The following SYN3 variants were observed in gnomAD, a reference collection of about 807,000 sequenced individuals.
The protein encoded by SYN3 is synapsin III.
A neutral mutation model predicts 65.8 loss-of-function variants in SYN3; 35 were observed. That is an observed-to-expected ratio of 0.53 (90% confidence interval 0.41 to 0.70). The LOEUF (loss-of-function observed/expected upper bound fraction) is 0.70. SYN3 is among the 30% of genes least tolerant of loss of function. SYN3 has a pLI of 0.00. For synonymous variants in SYN3, 270 were observed against 292.9 expected (o/e 0.92, Z 0.80); for missense variants, 680 against 749.0 (o/e 0.91, Z 1.08).
chr22:32,937,093 A>G (rs2050794794), intron 3 of SYN3, among the ~76,000 whole-genome samples: 1 of 152,212 alleles, frequency 6.6e-6, no homozygotes, highest in Non-Finnish European at 1.5e-5. Flanking sequence ...ACAAATTACG[A>G]GGAATGCAAA....
intron 6 of SYN3, among the ~76,000 whole-genome samples, chr22:32,645,656 G>A (rs1211199989): frequency 6.6e-6 from 1 of 152,176 alleles, no homozygotes; most frequent in Non-Finnish European, 1.5e-5. Flanking sequence ...TTCTCCATTT[G>A]AGCCAGTGGG....
At chr22:32,708,979 G>A (rs1051903347) in intron 6 of SYN3, among the ~76,000 whole-genome samples, 2 of 151,962 alleles carry the variant, frequency 1.3e-5, no homozygotes, top group East Asian at 1.9e-4. Flanking sequence ...AGAATCACTC[G>A]AGCCCTGCGG....
intron 6 of SYN3, among the ~76,000 whole-genome samples, chr22:32,702,321 C>CA (rs1175073524): frequency 6.6e-6 from 1 of 151,908 alleles, no homozygotes; most frequent in African/African-American, 2.4e-5. Flanking sequence ...ACTAAAAATA[C>CA]AAAAAAATTA....
rs5749487 is a variant in SYN3, at chr22:32,682,100, G to C, written c.712-85364C>G. On this transcript the variant is annotated intron_variant, in intron 6 of 13. Coordinates refer to ENST00000358763, the MANE Select transcript of SYN3 (RefSeq NM_003490.4). ...CAGGGGTTGCAGAGGGTGGAGAGGA[G>C]TGGTTCTCAACCAGGGGCCATTCTG... Among the ~76,000 whole-genome samples the C allele has an allele frequency of 3.1e-4, 32 of 104,482 alleles. 1 individual carries two copies. The East Asian group carries it at 5.5e-3, about 18-fold the overall frequency. 68.5% of individuals were successfully genotyped at this position (104,482 alleles called of 152,430 possible). A position where few individuals can be genotyped will look rare whatever the true frequency, so the allele number is the denominator to read the frequency against.
chr22:32,647,926 A>G (rs1434233856), intron 6 of SYN3, among the ~76,000 whole-genome samples: 1 of 151,936 alleles, frequency 6.6e-6, no homozygotes, highest in East Asian at 1.9e-4. Flanking sequence ...TTTGGTAGAG[A>G]TGGAGTCTCA....
chr22:33,047,193 G>A (rs1034397023), intron 1 of SYN3, among the ~76,000 whole-genome samples: 1 of 151,926 alleles, frequency 6.6e-6, no homozygotes, highest in Admixed American at 6.6e-5. Flanking sequence ...TATTTGTTTT[G>A]TGGTTATTTT....
chr22:32,695,532 T>C (rs2060723914), intron 6 of SYN3, among the ~76,000 whole-genome samples: 1 of 152,194 alleles, frequency 6.6e-6, no homozygotes, highest in Admixed American at 6.5e-5. Context: ...CCCCAGGTTT[T>C]GAAGCATTCC....
intron 1 of SYN3, among the ~76,000 whole-genome samples, chr22:33,015,870 A>G (rs896377646): frequency 1.4e-5 from 2 of 140,270 alleles, no homozygotes; most frequent in Non-Finnish European, 3.0e-5. Context: ...TAAGACAGTT[A>G]CACTCTTGTT....
At chr22:32,535,311 A>G (rs2058145535) in intron 9 of SYN3, among the ~76,000 whole-genome samples, 1 of 152,204 alleles carries the variant, frequency 6.6e-6, no homozygotes, top group Non-Finnish European at 1.5e-5. Flanking sequence ...CTCTTATCAT[A>G]AAATGGGAAA....
intron 3 of SYN3, among the ~76,000 whole-genome samples, chr22:32,952,293 TGG>T (rs1208206533): frequency 4.2e-5 from 6 of 143,484 alleles, no homozygotes; most frequent in Admixed American, 6.9e-5. Context: ...AATGTGTGTG[TGG>T]GGGGGTGTGT....
Position 32,864,399 on chromosome 22 carries a change from C to G in SYN3, c.711+516G>C, listed in dbSNP as rs56048132. On this transcript the variant is annotated intron_variant, in intron 6 of 13. Transcript: ENST00000358763. ...GGTATCCTCCAAATGGGAGGCTGTACCACATATCCTGAGCTAAGCCCTGCT... is the reference window on the plus strand; with the variant it reads ...GGTATCCTCCAAATGGGAGGCTGTAGCACATATCCTGAGCTAAGCCCTGCT... 5.1e-3 allele frequency among the ~76,000 whole-genome samples: 783 copies of G among 152,252 alleles called. 5 individuals carry two copies. Among genetic ancestry groups the G allele is most frequent in the Middle Eastern group, 0.017 (5 of 294 alleles).
At chr22:32,586,647 G>A (rs1342909281) in intron 7 of SYN3, among the ~76,000 whole-genome samples, 2 of 152,138 alleles carry the variant, frequency 1.3e-5, no homozygotes, top group Non-Finnish European at 2.9e-5. Flanking sequence ...AGGAGACAGA[G>A]TGTTATCTTA....
intron 6 of SYN3, among the ~76,000 whole-genome samples, chr22:32,635,692 T>C (rs2059805682): frequency 6.6e-6 from 1 of 152,210 alleles, no homozygotes; most frequent in African/African-American, 2.4e-5. Context: ...AGAGCCATGT[T>C]ATACAGAAAA....
chr22:32,778,437 C>T (rs5754278), intron 6 of SYN3, among the ~76,000 whole-genome samples: 106,914 of 151,768 alleles, frequency 0.7, 38,174 homozygotes, highest in African/African-American at 0.82. Context: ...CACAGGCACA[C>T]GCCACCATGT....
At chr22:32,942,134 A>C (rs1327334764) in intron 3 of SYN3, among the ~76,000 whole-genome samples, 1 of 152,226 alleles carries the variant, frequency 6.6e-6, no homozygotes, top group Non-Finnish European at 1.5e-5. Context: ...ATCTGAGAAC[A>C]GACAGACTGC....
intron 3 of SYN3, among the ~76,000 whole-genome samples, chr22:32,966,428 C>T (rs2051847109): frequency 6.6e-6 from 1 of 152,094 alleles, no homozygotes; most frequent in Non-Finnish European, 1.5e-5. Context: ...TAAGGTAGAG[C>T]ACGGGAGGAG....
intron 6 of SYN3, among the ~76,000 whole-genome samples, chr22:32,757,059 A>G (rs11089593): frequency 0.85 from 126,757 of 149,528 alleles, 54,252 homozygotes; most frequent in African/African-American, 0.96. Context: ...CTTTTTTTTG[A>G]GGGGGGGTGG....
chr22:32,606,338 A>C (rs2059372029), intron 6 of SYN3, among the ~76,000 whole-genome samples: 1 of 152,162 alleles, frequency 6.6e-6, no homozygotes, highest in Non-Finnish European at 1.5e-5. Context: ...CATTCAACAG[A>C]AAGCACAGGA....
chr22:32,793,660 C>A (rs1320237693), intron 6 of SYN3, among the ~76,000 whole-genome samples: 2 of 152,212 alleles, frequency 1.3e-5, no homozygotes, highest in Non-Finnish European at 2.9e-5. Flanking sequence ...GGAGAGGACC[C>A]TGCCCCTATC....
Sources: gnomAD v4.1 joint callset for allele counts (sites outside exome capture counted in the v4.1 genomes callset) on GRCh38, gnomAD v4.1.1 for gene constraint, MANE v1.5 for transcripts, NCBI Gene and HGNC (gene_info 2026-07-23, HGNC 2026-07-21) for gene names.